Variants in GPHN observed in about 807,000 individuals in gnomAD.
GPHN encodes gephyrin.
In GPHN, 17 loss-of-function variants were observed where a neutral mutation model predicts 95.5. That is an observed-to-expected ratio of 0.18 (90% CI 0.12 to 0.27). The LOEUF (loss-of-function observed/expected upper bound fraction) is 0.27, where lower values mean the gene tolerates loss of function less well. Ranked by LOEUF, GPHN falls within the 10% of genes least tolerant of loss-of-function variation. The pLI is 1.00. For synonymous variants in GPHN, 320 were observed against 322.5 expected, an observed-to-expected ratio of 0.99 and a Z score of 0.08; for missense variants, 660 against 978.1, an observed-to-expected ratio of 0.67 and a Z score of 4.34.
chr14:67,362,074 T>G, the GPHN span, among the ~76,000 whole-genome samples: 2 of 149,000 alleles, frequency 1.3e-5, no homozygotes, highest in Admixed American at 6.8e-5. Context: ...CAGGCTGGAG[T>G]GTAGTGGCAC....
intron 11 of GPHN, among the ~76,000 whole-genome samples, chr14:67,068,652 G>A (rs933930129): frequency 1.1e-4 from 17 of 152,000 alleles, no homozygotes; most frequent in African/African-American, 4.1e-4. Context: ...ATTATAAGCT[G>A]TAAGCTTTTT....
At chr14:67,333,115 C>T in the GPHN span, 4 of 598,166 alleles carry the variant, frequency 6.7e-6, no homozygotes, top group Middle Eastern at 8.3e-4. Context: ...ACGACAGTTC[C>T]CTTAGGCAGT....
the GPHN span, among the ~76,000 whole-genome samples, chr14:67,480,177 C>T: frequency 1.3e-5 from 2 of 152,278 alleles, no homozygotes; most frequent in African/African-American, 4.8e-5. Flanking sequence ...TCTGGACAGC[C>T]CCTCCTGCTT....
At chr14:66,602,377 T>G (rs2062295563) in intron 1 of GPHN, among the ~76,000 whole-genome samples, 1 of 151,994 alleles carries the variant, frequency 6.6e-6, no homozygotes, top group African/African-American at 2.4e-5. Flanking sequence ...GTTAGTTTTG[T>G]TTTTATTGTC....
At chr14:67,645,721 C>T in the GPHN span, 1 of 1,614,060 alleles carries the variant, frequency 6.2e-7, no homozygotes, top group Non-Finnish European at 8.5e-7. Flanking sequence ...CCCATGCTGA[C>T]ATCAACACAC....
chr14:66,725,559 C>A (rs2071153117), intron 2 of GPHN, among the ~76,000 whole-genome samples: 1 of 152,170 alleles, frequency 6.6e-6, no homozygotes, highest in Admixed American at 6.5e-5. Flanking sequence ...TCTCGGCTCA[C>A]TGAAACCTCC....
the GPHN span, among the ~76,000 whole-genome samples, chr14:67,633,906 C>G: frequency 6.6e-6 from 1 of 152,196 alleles, no homozygotes. Context: ...GTTCTCCTGA[C>G]CCTTCTCTTC....
At chr14:67,204,935 A>C in the GPHN span, 1 of 1,612,282 alleles carries the variant, frequency 6.2e-7, no homozygotes, top group Admixed American at 1.7e-5. Context: ...CCAGAAAATG[A>C]GGTCCCAGAG....
chr14:67,700,948 T>A, the GPHN span, among the ~76,000 whole-genome samples: 1 of 135,882 alleles, frequency 7.4e-6, no homozygotes, highest in Non-Finnish European at 1.5e-5. Context: ...CACTTGAACC[T>A]GGGAGGCGGA....
At chr14:66,892,999 A>C (rs138945178) in intron 5 of GPHN, among the ~76,000 whole-genome samples, 175 of 152,290 alleles carry the variant, frequency 1.1e-3, no homozygotes, top group Non-Finnish European at 2.1e-3. Context: ...TTTCAGGCCC[A>C]ACTTCCAGAC....
At chr14:67,137,920 T>G (rs10144371) in intron 17 of GPHN, among the ~76,000 whole-genome samples, 35,934 of 152,138 alleles carry the variant, frequency 0.24, 8,399 homozygotes, top group African/African-American at 0.57. Flanking sequence ...TACTGATATA[T>G]ACCTAGAAAA....
chr14:67,079,948 G>C (rs1255633870), intron 11 of GPHN, among the ~76,000 whole-genome samples: 1 of 151,984 alleles, frequency 6.6e-6, no homozygotes, highest in Non-Finnish European at 1.5e-5. Flanking sequence ...CCAGAAGTGG[G>C]GTTGTTGGAT....
the GPHN span, among the ~76,000 whole-genome samples, chr14:67,435,297 AC>A: frequency 6.6e-6 from 1 of 151,800 alleles, no homozygotes; most frequent in Non-Finnish European, 1.5e-5. Context: ...TACCAGCTCC[AC>A]TCCCATGATA....
At chr14:67,218,335 G>A in the GPHN span, among the ~76,000 whole-genome samples, 8 of 152,174 alleles carry the variant, frequency 5.3e-5, no homozygotes, top group Non-Finnish European at 5.9e-5. Flanking sequence ...ACAGCTGCTT[G>A]GGTGTGGGTG....
the GPHN span, among the ~76,000 whole-genome samples, chr14:67,285,573 G>C: frequency 3.4e-5 from 5 of 147,452 alleles, no homozygotes; most frequent in East Asian, 4.3e-4. Context: ...GTTTCACCGT[G>C]TTAGCCAGGA....
the GPHN span, chr14:67,364,705 T>C: frequency 6.8e-7 from 1 of 1,478,682 alleles, no homozygotes. Flanking sequence ...ATGTGGAAAT[T>C]GATTTTTTTT....
intron 5 of GPHN, among the ~76,000 whole-genome samples, chr14:66,910,672 A>C (rs1469871773): frequency 6.6e-6 from 1 of 152,050 alleles, no homozygotes; most frequent in Non-Finnish European, 1.5e-5. Context: ...GGGTATGCAT[A>C]TATGCATATA....
the GPHN span, among the ~76,000 whole-genome samples, chr14:67,558,477 A>T: frequency 6.6e-6 from 1 of 152,206 alleles, no homozygotes; most frequent in African/African-American, 2.4e-5. Context: ...ATCTCTGATC[A>T]ATTCTTCCAT....
At chr14:67,434,974 T>C in the GPHN span, among the ~76,000 whole-genome samples, 2 of 150,028 alleles carry the variant, frequency 1.3e-5, no homozygotes, top group South Asian at 2.1e-4. Context: ...CTCTCTCTTT[T>C]TTTTTTTTTT....
Sources: gnomAD v4.1 joint callset for allele counts (sites outside exome capture counted in the v4.1 genomes callset) on GRCh38, gnomAD v4.1.1 for gene constraint, MANE v1.5 for transcripts, NCBI Gene and HGNC (gene_info 2026-07-23, HGNC 2026-07-21) for gene names.